Variants in KLHL29 observed in about 807,000 individuals in gnomAD.
The protein encoded by KLHL29 is kelch-like protein 29.
In KLHL29, 21 loss-of-function variants were observed where a neutral mutation model predicts 80.4. That is an observed-to-expected ratio of 0.26 (90% CI 0.19 to 0.38). KLHL29 has a LOEUF of 0.38. Among genes scored for constraint, KLHL29 ranks in the 10% least tolerant of loss-of-function variants. The pLI is 1.00. For missense variants in KLHL29, 867 were observed against 1,223.9 expected (o/e 0.71, Z 4.35); for synonymous variants, 511 against 526.8 (o/e 0.97, Z 0.41).
intron 1 of KLHL29, among the ~76,000 whole-genome samples, chr2:23,451,307 C>T (rs1382396590): frequency 2.6e-5 from 4 of 152,204 alleles, no homozygotes; most frequent in Non-Finnish European, 5.9e-5. Flanking sequence ...GCCTGGAACA[C>T]AGTAGGGACC....
intron 1 of KLHL29, among the ~76,000 whole-genome samples, chr2:23,445,955 G>T (rs1343666147): frequency 1.3e-5 from 2 of 152,108 alleles, no homozygotes; most frequent in Non-Finnish European, 2.9e-5. Flanking sequence ...TTTCCTTTCA[G>T]AGAATTTCTA....
intron 1 of KLHL29, among the ~76,000 whole-genome samples, chr2:23,435,834 C>CA (rs1663323762): frequency 6.6e-6 from 1 of 151,628 alleles, no homozygotes; most frequent in African/African-American, 2.4e-5. Context: ...TTTGCCCCAG[C>CA]AATGAATGGC....
chr2:23,676,769 T>TG (rs1558435503), intron 5 of KLHL29, among the ~76,000 whole-genome samples: 1 of 152,012 alleles, frequency 6.6e-6, no homozygotes, highest in African/African-American at 2.4e-5. Flanking sequence ...CTTAGAGAGT[T>TG]GGGGGATGCG....
rs1302652846 is a variant in KLHL29, at chr2:23,643,066, A to T, written c.940+216A>T. The T allele has an allele frequency of 8.6e-6, 6 of 698,896 alleles. No individual in the cohort carries two copies. In the East Asian group the frequency reaches 1.4e-4, roughly 16 times the overall value. 43.3% of individuals were successfully genotyped at this position (698,896 alleles called of 1,614,324 possible). On this transcript the variant is annotated intron_variant, in intron 5 of 13. Coordinates refer to ENST00000486442, the MANE Select transcript of KLHL29 (RefSeq NM_052920.2). ...TGGAGGGCGGGACAAACAAAGTGGGAAAATGCGCCGGGGTAAGAAGAGGAA... is the reference window on the plus strand; with the variant it reads ...TGGAGGGCGGGACAAACAAAGTGGGTAAATGCGCCGGGGTAAGAAGAGGAA...
intron 2 of KLHL29, among the ~76,000 whole-genome samples, chr2:23,513,606 G>T (rs1316105551): frequency 6.6e-6 from 1 of 152,208 alleles, no homozygotes; most frequent in Non-Finnish European, 1.5e-5. Context: ...GCCTGAGCAG[G>T]TAAGCTGAAC....
intron 13 of KLHL29, among the ~76,000 whole-genome samples, 156 bp from the exon 14 acceptor site, chr2:23,706,325 C>CTAA (rs1672720749): frequency 4.0e-5 from 6 of 151,836 alleles, no homozygotes; most frequent in African/African-American, 1.5e-4. Flanking sequence ...TTTTCTTATG[C>CTAA]CAGCCCAGGT....
chr2:23,470,748 A>G (rs1405758364), intron 1 of KLHL29, among the ~76,000 whole-genome samples: 1 of 152,306 alleles, frequency 6.6e-6, no homozygotes, highest in African/African-American at 2.4e-5. Context: ...GGAATAGGCA[A>G]TCTCTGCGTT....
At chr2:23,557,635 C>T (rs1036158345) in intron 2 of KLHL29, among the ~76,000 whole-genome samples, 2 of 152,076 alleles carry the variant, frequency 1.3e-5, no homozygotes, top group Non-Finnish European at 2.9e-5. Context: ...AGGTGGTCCC[C>T]AAGGCAGAGA....
chr2:23,526,048 T>A (rs1046511824), intron 2 of KLHL29, among the ~76,000 whole-genome samples: 1 of 152,176 alleles, frequency 6.6e-6, no homozygotes, highest in Non-Finnish European at 1.5e-5. Context: ...ATGTTTGCCC[T>A]CCTCTGCTTC....
intron 5 of KLHL29, among the ~76,000 whole-genome samples, chr2:23,645,590 C>G (rs550720792): frequency 2.0e-5 from 3 of 152,298 alleles, no homozygotes; most frequent in East Asian, 3.9e-4. Context: ...TATTGTTTGA[C>G]GTGACAACCT....
intron 5 of KLHL29, among the ~76,000 whole-genome samples, chr2:23,683,532 G>A (rs1460183740): frequency 6.6e-6 from 1 of 152,222 alleles, no homozygotes; most frequent in East Asian, 1.9e-4. Flanking sequence ...GCCTTGGGGT[G>A]GGTCTGGGAG....
chr2:23,451,491 C>T (rs1663878070), intron 1 of KLHL29, among the ~76,000 whole-genome samples: 1 of 152,210 alleles, frequency 6.6e-6, no homozygotes, highest in South Asian at 2.1e-4. Context: ...GGAAGCTGTG[C>T]ATGCGCCTTG....
chr2:23,680,215 A>C lies in KLHL29; in HGVS notation c.941-4184A>C, dbSNP rs114187477. On this transcript the variant is annotated intron_variant, in intron 5 of 13. Coordinates refer to ENST00000486442, the MANE Select transcript of KLHL29 (RefSeq NM_052920.2). The surrounding 1 kb of genome is among the most constrained non-coding windows in gnomAD (Gnocchi z 4.1). ...AGGGCAGGAGAGGCTGGATCCTGAGAATTCTAGGAGGTAAAAAGATGGGAC... is the reference window on the plus strand; with the variant it reads ...AGGGCAGGAGAGGCTGGATCCTGAGCATTCTAGGAGGTAAAAAGATGGGAC... Among the ~76,000 whole-genome samples, 4,973 of 152,096 alleles carry C rather than the reference A, an allele frequency of 0.033. 101 individuals are homozygous for C. The highest frequency in any genetic ancestry group is 0.086 in the South Asian group (416 of 4,814).
chr2:23,669,518 G>A lies in KLHL29; in HGVS notation c.941-14881G>A, dbSNP rs557494134. 6.6e-6 allele frequency: 1 copy of A among 152,416 alleles called. No homozygotes were observed. The highest frequency in any genetic ancestry group is 2.4e-5 in the African/African-American group (1 of 41,576). The allele number at this position is 152,416 out of a possible 1,614,324, so 9.4% of individuals were successfully genotyped here. ...GAAGACTCCCTAGGGCAGAAAGCCAGATTGTTGCATCACTTCTGCCCCCTG... is the reference window on the plus strand; with the variant it reads ...GAAGACTCCCTAGGGCAGAAAGCCAAATTGTTGCATCACTTCTGCCCCCTG... On this transcript the variant is annotated intron_variant, in intron 5 of 13. Transcript: ENST00000486442. The surrounding 1 kb of genome is among the most constrained non-coding windows in gnomAD (Gnocchi z 4.3).
At chr2:23,610,546 A>G (rs1668833587) in intron 3 of KLHL29, among the ~76,000 whole-genome samples, 2 of 152,134 alleles carry the variant, frequency 1.3e-5, no homozygotes, top group African/African-American at 4.8e-5. Context: ...CTCTGTCTGC[A>G]TTTTCACTGT....
At chr2:23,535,296 G>T (rs955375232) in intron 2 of KLHL29, among the ~76,000 whole-genome samples, 1 of 152,206 alleles carries the variant, frequency 6.6e-6, no homozygotes, top group South Asian at 2.1e-4. Context: ...TCCACACACA[G>T]GTGCCTCGCC....
chr2:23,657,275 C>T (rs774018314), intron 5 of KLHL29, among the ~76,000 whole-genome samples: 4 of 152,156 alleles, frequency 2.6e-5, no homozygotes, highest in African/African-American at 4.8e-5. Flanking sequence ...ATTCTGAGGA[C>T]GAAGGCAGTT....
intron 1 of KLHL29, among the ~76,000 whole-genome samples, chr2:23,398,693 G>C (rs891081040): frequency 1.3e-5 from 2 of 152,202 alleles, no homozygotes; most frequent in Admixed American, 1.3e-4. Flanking sequence ...TTCAGAGAAG[G>C]TTCCAAAGAC....
At position 23,696,832 on chromosome 2, in the gene KLHL29, A is replaced by C; in HGVS notation, c.2105+319A>C. On this transcript the variant is annotated intron_variant, in intron 11 of 13. Coordinates refer to ENST00000486442, the MANE Select transcript of KLHL29 (RefSeq NM_052920.2). The surrounding 1 kb of genome is among the most constrained non-coding windows in gnomAD (Gnocchi z 5.5). ...TTGCAGAAGGCCTGGGATGAGCCAGACCCTCCTGGCCAGGCAGTCAGGGAA... is the reference window on the plus strand; with the variant it reads ...TTGCAGAAGGCCTGGGATGAGCCAGCCCCTCCTGGCCAGGCAGTCAGGGAA... 1 of 270,398 alleles carries C rather than the reference A, an allele frequency of 3.7e-6. No homozygotes were observed. Among genetic ancestry groups the C allele is most frequent in the Non-Finnish European group, 7.0e-6 (1 of 143,634 alleles). 16.7% of individuals were successfully genotyped at this position (270,398 alleles called of 1,614,324 possible).
Sources: allele counts gnomAD v4.1 joint callset (sites outside exome capture counted in the v4.1 genomes callset), GRCh38; gene constraint gnomAD v4.1.1; non-coding constraint Gnocchi (gnomAD v3.1); transcripts MANE v1.5; gene names NCBI Gene and HGNC (gene_info 2026-07-23, HGNC 2026-07-21).